Variants in NUP43 observed in about 807,000 individuals in gnomAD.
The protein encoded by NUP43 is nucleoporin Nup43.
NUP43 carries 32 observed loss-of-function variants against 47.3 expected under a neutral mutation model. The observed-to-expected ratio is 0.68, with a 90% CI of 0.51 to 0.91. The LOEUF (loss-of-function observed/expected upper bound fraction) is 0.91, where lower values mean the gene tolerates loss of function less well. Among genes scored for constraint, NUP43 ranks in the 40% least tolerant of loss-of-function variants. The probability of loss-of-function intolerance (pLI) is 0.00; values close to 1 mark genes in which losing one functional copy is unlikely to be tolerated. For missense variants in NUP43, 444 were observed against 453.9 expected (o/e 0.98, Z 0.20); for synonymous variants, 147 against 158.4 (o/e 0.93, Z 0.54).
intron 5 of NUP43, among the ~76,000 whole-genome samples, chr6:149,737,220 G>A (rs1582971845): frequency 6.6e-6 from 1 of 151,772 alleles, no homozygotes; most frequent in South Asian, 2.1e-4. Context: ...GTAGGCAGAA[G>A]TTGCAGTGAG....
At chr6:149,746,827 A>G (rs910936093), upstream of NUP43, 3 of 675,314 alleles carry the variant, frequency 4.4e-6, no homozygotes, top group Admixed American at 1.1e-4. Flanking sequence ...ACAATGCAGT[A>G]GAAACCACCT....
intron 1 of NUP43, 61 bp downstream of exon 1, chr6:149,746,315 A>AG (rs1234232150): frequency 1.3e-6 from 2 of 1,593,160 alleles, no homozygotes; most frequent in Admixed American, 3.4e-5. Context: ...GCGGAAGGCC[A>AG]GGGGTCAGCT....
rs376737311 is a variant in NUP43, at chr6:149,731,588, A to G, written c.913+25T>C. The G allele has an allele frequency of 7.5e-6, 12 of 1,599,912 alleles. No homozygotes were observed. In the African/African-American group the frequency reaches 1.2e-4, roughly 16 times the overall value. On this transcript the variant is annotated intron_variant, in intron 7 of 7. Transcript: ENST00000340413. Reference sequence around the variant, plus strand: ...AAAAAAAAAAAAAAAAAGTACACATAACAGTATTCATTAAAAAGTTTTACC... The same window carrying G: ...AAAAAAAAAAAAAAAAAGTACACATGACAGTATTCATTAAAAAGTTTTACC...
chr6:149,742,806 T>C (rs1230462106), intron 3 of NUP43, among the ~76,000 whole-genome samples: 1 of 152,198 alleles, frequency 6.6e-6, no homozygotes. Context: ...ACTACAGTAA[T>C]GACTTTTAGG....
At chr6:149,746,932 C>T (rs115172461), upstream of NUP43, among the ~76,000 whole-genome samples, 92 of 152,326 alleles carry the variant, frequency 6.0e-4, no homozygotes, top group African/African-American at 2.1e-3. Flanking sequence ...AAAGTGCCAA[C>T]CTACTATCCC....
upstream of NUP43, chr6:149,746,541 G>A (rs769002843): frequency 3.7e-6 from 6 of 1,613,804 alleles, no homozygotes; most frequent in Non-Finnish European, 5.1e-6. Context: ...AGCACAGTAC[G>A]CGCCTCTCAG....
Position 149,742,476 on chromosome 6 carries a change from C to T in NUP43, c.416G>A (p.Cys139Tyr), listed in dbSNP as rs142973580. ...AACTGTAACGATTTCTGGGTTGTTG[C>T]ACACAACACCTGTACATGGTGCACT... ...YSSAPCTGVV[C>Y]NNPEIVTVGE... Residue 139 changes from cysteine (C) to tyrosine (Y), a missense_variant, in exon 4 of 8, where the codon TGC becomes TAC. Physicochemically the swap from Cys to Tyr is radical, Grantham distance 194. Transcript: ENST00000340413. The T allele has an allele frequency of 2.5e-6, 4 of 1,613,956 alleles. No individual in the cohort carries two copies. The highest frequency in any genetic ancestry group is 3.4e-6 in the Non-Finnish European group (4 of 1,179,938).
At chr6:149,739,034 G>A (rs1785509302) in intron 4 of NUP43, among the ~76,000 whole-genome samples, 1 of 149,780 alleles carries the variant, frequency 6.7e-6, no homozygotes, top group Admixed American at 6.7e-5. Flanking sequence ...AGGCTGGACT[G>A]CAATGGCGCG....
At chr6:149,727,952 G>C in intron 7 of NUP43, 3 of 985,038 alleles carry the variant, frequency 3.0e-6, no homozygotes, top group Non-Finnish European at 3.6e-6. Context: ...GCCAGGCTCT[G>C]TGCTAAGTGC....
intron 7 of NUP43, chr6:149,728,168 A>G (rs980787559): frequency 1.0e-6 from 1 of 985,230 alleles, no homozygotes; most frequent in East Asian, 1.1e-4. Flanking sequence ...TAATTGAACT[A>G]TCCATGCCTC....
At chr6:149,731,112 A>G (rs1311800251) in intron 7 of NUP43, among the ~76,000 whole-genome samples, 1 of 151,888 alleles carries the variant, frequency 6.6e-6, no homozygotes, top group African/African-American at 2.4e-5. Context: ...TACTAAAAAT[A>G]CAAAAAAATT....
intron 7 of NUP43, chr6:149,731,291 G>T: frequency 5.5e-6 from 1 of 181,216 alleles, no homozygotes; most frequent in Non-Finnish European, 1.2e-5. Context: ...CAGGTGTGGT[G>T]GCTCACTCCT....
intron 5 of NUP43, 37 bp downstream of exon 5, chr6:149,738,606 G>A (rs778763161): frequency 1.4e-6 from 2 of 1,442,400 alleles, no homozygotes; most frequent in East Asian, 2.5e-5. Context: ...ACATTAATTT[G>A]TGGATTACAT....
intron 4 of NUP43, among the ~76,000 whole-genome samples, chr6:149,739,996 G>A (rs1421835200): frequency 6.6e-6 from 1 of 152,166 alleles, no homozygotes; most frequent in Non-Finnish European, 1.5e-5. Flanking sequence ...TAACAAATAA[G>A]TAATGTCGCC....
intron 7 of NUP43, among the ~76,000 whole-genome samples, chr6:149,730,434 C>T (rs1423632021): frequency 1.3e-5 from 2 of 152,164 alleles, no homozygotes; most frequent in Non-Finnish European, 2.9e-5. Flanking sequence ...CATGAGGGTC[C>T]AGGTTAATGG....
intron 4 of NUP43, among the ~76,000 whole-genome samples, chr6:149,740,649 C>T (rs1411400641): frequency 1.3e-5 from 2 of 152,004 alleles, no homozygotes; most frequent in African/African-American, 4.8e-5. Flanking sequence ...AAACAAAACA[C>T]ACACATACAA....
intron 7 of NUP43, among the ~76,000 whole-genome samples, chr6:149,730,999 G>A (rs1201329009): frequency 6.6e-6 from 1 of 152,144 alleles, no homozygotes; most frequent in Non-Finnish European, 1.5e-5. Context: ...GGGCACAGTG[G>A]CTCATGCCTG....
At chr6:149,728,870 C>T (rs1784905154) in intron 7 of NUP43, among the ~76,000 whole-genome samples, 1 of 152,214 alleles carries the variant, frequency 6.6e-6, no homozygotes, top group Non-Finnish European at 1.5e-5. Context: ...TTCCTTCTGC[C>T]AAGTGGCCTC....
At chr6:149,730,790 T>A (rs938172584) in intron 7 of NUP43, among the ~76,000 whole-genome samples, 3 of 150,644 alleles carry the variant, frequency 2.0e-5, no homozygotes, top group Non-Finnish European at 4.4e-5. Flanking sequence ...AAAAAAAAAT[T>A]AGCTGGTTGT....
Sources: gnomAD v4.1 joint callset for allele counts (sites outside exome capture counted in the v4.1 genomes callset) on GRCh38, gnomAD v4.1.1 for gene constraint, MANE v1.5 for transcripts, NCBI Gene and HGNC (gene_info 2026-07-23, HGNC 2026-07-21) for gene names.